SGCD: variants seen among roughly 807,000 people sequenced by gnomAD.
SGCD encodes delta-sarcoglycan.
A neutral mutation model predicts 36.6 loss-of-function variants in SGCD; 18 were observed. That is an observed-to-expected ratio of 0.49 (90% CI 0.34 to 0.73). SGCD has a LOEUF of 0.73. SGCD is among the 30% of genes least tolerant of loss of function. The pLI is 0.01. For synonymous variants in SGCD, 133 were observed against 130.6 expected (o/e 1.02, Z -0.12); for missense variants, 387 against 346.7 (o/e 1.12, Z -0.92).
intron 7 of SGCD, among the ~76,000 whole-genome samples, chr5:156,695,960 G>C (rs1020734263): frequency 3.3e-5 from 5 of 152,212 alleles, no homozygotes; most frequent in African/African-American, 1.2e-4. Context: ...ATCAGTACCT[G>C]TTTTGTCAAC....
At chr5:156,614,049 C>A (rs754184440) in intron 6 of SGCD, among the ~76,000 whole-genome samples, 1 of 152,100 alleles carries the variant, frequency 6.6e-6, no homozygotes, top group South Asian at 2.1e-4. Flanking sequence ...CAGATTCAAG[C>A]GATTCTTGTG....
At chr5:156,306,153 A>G (rs1448749757) in intron 3 of SGCD, among the ~76,000 whole-genome samples, 1 of 152,006 alleles carries the variant, frequency 6.6e-6, no homozygotes, top group African/African-American at 2.4e-5. Context: ...TATATTTTGG[A>G]GGTGCCAGGG....
chr5:156,091,897 G>A (rs372099106), intron 1 of SGCD, among the ~76,000 whole-genome samples: 38 of 152,332 alleles, frequency 2.5e-4, no homozygotes, highest in African/African-American at 6.7e-4. Flanking sequence ...AAGGCAGGGG[G>A]CCACCCCTTG....
At chr5:156,598,594 A>G (rs1184681512) in intron 6 of SGCD, among the ~76,000 whole-genome samples, 1 of 151,858 alleles carries the variant, frequency 6.6e-6, no homozygotes, top group Non-Finnish European at 1.5e-5. Context: ...TAAAACAAAA[A>G]TGCCTAGGGG....
In SGCD at chr5:156,154,944, A is replaced by G. The variant is rs184920042; in HGVS notation, c.-44+30925A>G. Among the ~76,000 whole-genome samples, 5 of 151,758 alleles carry G rather than the reference A, an allele frequency of 3.3e-5. No homozygotes were observed. In the East Asian group the frequency reaches 9.6e-4, roughly 29 times the overall value. On this transcript the variant is annotated intron_variant, in intron 3 of 9. Transcript: ENST00000517913. ...CACATAGCTCAGTTCTTCTTTTCAT[A>G]AAGTGATGACAAACTCAATGTCTGC...
intron 4 of SGCD, among the ~76,000 whole-genome samples, chr5:156,512,100 A>T (rs1315719831): frequency 1.3e-5 from 2 of 149,410 alleles, no homozygotes; most frequent in African/African-American, 2.5e-5. Context: ...AGACTGAGGC[A>T]GGAGAATCAC....
intron 7 of SGCD, among the ~76,000 whole-genome samples, chr5:156,708,852 A>C (rs2113748494): frequency 6.6e-6 from 1 of 152,210 alleles, no homozygotes; most frequent in Admixed American, 6.5e-5. Context: ...TTCTTAGAGA[A>C]GTGACAAGAC....
intron 1 of SGCD, among the ~76,000 whole-genome samples, chr5:156,075,418 G>A (rs1760747676): frequency 2.0e-5 from 3 of 152,084 alleles, no homozygotes; most frequent in African/African-American, 4.8e-5. Context: ...ATAGATTATG[G>A]GTAGATGCAC....
chr5:155,825,149 G>A, the SGCD span, among the ~76,000 whole-genome samples: 8,158 of 152,150 alleles, frequency 0.054, 497 homozygotes, highest in African/African-American at 0.15. Context: ...CCATGATTGC[G>A]TTTGCCAGCC....
chr5:156,511,393 C>T (rs1049207869), intron 4 of SGCD, among the ~76,000 whole-genome samples: 1 of 152,236 alleles, frequency 6.6e-6, no homozygotes, highest in Non-Finnish European at 1.5e-5. Flanking sequence ...AGTCTCTTCG[C>T]TGTCTGCTGC....
At chr5:156,534,304 A>T (rs1327843127) in intron 4 of SGCD, among the ~76,000 whole-genome samples, 2 of 152,044 alleles carry the variant, frequency 1.3e-5, no homozygotes, top group Non-Finnish European at 2.9e-5. Context: ...TAGACTTTCC[A>T]TGTGTTCACA....
the SGCD span, among the ~76,000 whole-genome samples, chr5:155,861,946 G>T: frequency 6.6e-6 from 1 of 152,120 alleles, no homozygotes; most frequent in Non-Finnish European, 1.5e-5. Context: ...TACATTTTAT[G>T]TACTAGCTGC....
intron 3 of SGCD, among the ~76,000 whole-genome samples, chr5:156,144,104 A>C (rs957675703): frequency 1.3e-5 from 2 of 151,860 alleles, no homozygotes; most frequent in Non-Finnish European, 2.9e-5. Context: ...TCCATGGTGT[A>C]TATGTGCCAC....
At chr5:155,988,313 T>C (rs752461477) in intron 1 of SGCD, among the ~76,000 whole-genome samples, 4 of 152,110 alleles carry the variant, frequency 2.6e-5, no homozygotes, top group Non-Finnish European at 5.9e-5. Context: ...CCCTTTCCTT[T>C]CGTTAGAAAA....
chr5:156,748,843 A>G (rs1757042240), intron 7 of SGCD, among the ~76,000 whole-genome samples: 1 of 152,004 alleles, frequency 6.6e-6, no homozygotes. Context: ...CCCAGCCTGG[A>G]GTGCAGTGGT....
the SGCD span, among the ~76,000 whole-genome samples, chr5:155,795,819 T>C: frequency 3.3e-5 from 5 of 152,194 alleles, no homozygotes; most frequent in Non-Finnish European, 7.4e-5. Flanking sequence ...CTCTACACTG[T>C]AAGCAAAAGA....
chr5:155,831,555 T>C, the SGCD span, among the ~76,000 whole-genome samples: 2 of 152,272 alleles, frequency 1.3e-5, no homozygotes, highest in African/African-American at 4.8e-5. Flanking sequence ...AATTGCTTTG[T>C]GCCTTCCATT....
chr5:155,880,869 A>C lies in SGCD; in HGVS notation c.-282+10445A>C, dbSNP rs550443912. Among the ~76,000 whole-genome samples, 10 of 152,228 alleles carry C rather than the reference A, an allele frequency of 6.6e-5. No individual in the cohort carries two copies. In the South Asian group the frequency reaches 2.1e-3, roughly 32 times the overall value. ...GGTTAATATCGTCTGAACCAGATCTATCTTTCTGGTGTTTTTATTTCAAAA... is the reference window on the plus strand; with the variant it reads ...GGTTAATATCGTCTGAACCAGATCTCTCTTTCTGGTGTTTTTATTTCAAAA... On this transcript the variant is annotated intron_variant, in intron 1 of 9. Coordinates refer to the SGCD transcript ENST00000517913.
chr5:155,943,137 G>A (rs1757368423), intron 1 of SGCD, among the ~76,000 whole-genome samples: 1 of 152,174 alleles, frequency 6.6e-6, no homozygotes, highest in South Asian at 2.1e-4. Context: ...TAGTATATCT[G>A]TCTTGGTTTG....
Sources: gnomAD v4.1 joint callset for allele counts (sites outside exome capture counted in the v4.1 genomes callset) on GRCh38, gnomAD v4.1.1 for gene constraint, MANE v1.5 for transcripts, NCBI Gene and HGNC (gene_info 2026-07-23, HGNC 2026-07-21) for gene names.